Variants in EPHA6 observed in about 807,000 individuals in gnomAD.
EPHA6 encodes the protein ephrin type-A receptor 6.
EPHA6 carries 50 observed loss-of-function variants against 112.0 expected under a neutral mutation model. The ratio of observed to expected loss-of-function variants is 0.45; its 90% CI spans 0.36 to 0.56. The LOEUF is 0.56. Ranked by LOEUF, EPHA6 falls within the 20% of genes least tolerant of loss-of-function variation. EPHA6 has a pLI of 0.00. For missense variants in EPHA6, 1,280 were observed against 1,417.4 expected (o/e 0.90, Z 1.56); for synonymous variants, 529 against 490.7 (o/e 1.08, Z -1.03).
chr3:97,520,665 T>C (rs1339695172), intron 10 of EPHA6, among the ~76,000 whole-genome samples: 1 of 152,222 alleles, frequency 6.6e-6, no homozygotes, highest in Non-Finnish European at 1.5e-5. Flanking sequence ...TTTTGAGAGT[T>C]TGACTGTAAT....
intron 15 of EPHA6, among the ~76,000 whole-genome samples, chr3:97,733,842 T>C (rs2035142351): frequency 6.6e-6 from 1 of 152,044 alleles, no homozygotes; most frequent in South Asian, 2.1e-4. Flanking sequence ...GCAGATGCCA[T>C]GACAAAAGAT....
intron 3 of EPHA6, among the ~76,000 whole-genome samples, chr3:97,148,967 C>T (rs1427470461): frequency 2.6e-5 from 4 of 152,208 alleles, no homozygotes; most frequent in East Asian, 1.9e-4. Flanking sequence ...CTTGCTGAAA[C>T]TCCTGTAGGG....
At chr3:97,380,529 G>T (rs1438812949) in intron 5 of EPHA6, among the ~76,000 whole-genome samples, 1 of 152,134 alleles carries the variant, frequency 6.6e-6, no homozygotes, top group Non-Finnish European at 1.5e-5. Flanking sequence ...TGTGCCACAA[G>T]ACTTTCTTGT....
intron 6 of EPHA6, among the ~76,000 whole-genome samples, chr3:97,433,292 G>A (rs2089628236): frequency 6.6e-6 from 1 of 152,148 alleles, no homozygotes; most frequent in African/African-American, 2.4e-5. Flanking sequence ...AAGTGAATAT[G>A]TGTCTTGAGG....
chr3:97,052,382 T>G (rs1439118436), intron 3 of EPHA6, among the ~76,000 whole-genome samples: 2 of 152,170 alleles, frequency 1.3e-5, no homozygotes, highest in East Asian at 3.9e-4. Flanking sequence ...TGAGGAGTGA[T>G]GCTTCTGTTG....
intron 11 of EPHA6, among the ~76,000 whole-genome samples, chr3:97,561,364 C>T (rs1364996235): frequency 1.3e-5 from 2 of 151,984 alleles, no homozygotes; most frequent in Non-Finnish European, 2.9e-5. Flanking sequence ...AATAAAAGTG[C>T]TACTCCATTG....
chr3:97,662,623 CTT>C (rs961599717), intron 14 of EPHA6, among the ~76,000 whole-genome samples: 2 of 152,196 alleles, frequency 1.3e-5, no homozygotes, highest in African/African-American at 4.8e-5. Flanking sequence ...TTGTGGGAGA[CTT>C]GAACTATTTC....
chr3:96,948,000 A>G (rs1272666989), intron 2 of EPHA6, among the ~76,000 whole-genome samples: 3 of 152,126 alleles, frequency 2.0e-5, no homozygotes, highest in Non-Finnish European at 4.4e-5. Flanking sequence ...TTGAAACTAC[A>G]CTACAGGGCT....
intron 5 of EPHA6, among the ~76,000 whole-genome samples, chr3:97,296,362 G>A (rs1247696681): frequency 2.0e-5 from 3 of 152,186 alleles, no homozygotes; most frequent in African/African-American, 4.8e-5. Flanking sequence ...TGGGGGCAGT[G>A]CAAGGGAAGG....
At chr3:97,640,912 T>C (rs2093997747) in intron 14 of EPHA6, among the ~76,000 whole-genome samples, 1 of 152,188 alleles carries the variant, frequency 6.6e-6, no homozygotes, top group Non-Finnish European at 1.5e-5. Context: ...TGACTTTAAT[T>C]AGGGCAATGA....
intron 5 of EPHA6, among the ~76,000 whole-genome samples, chr3:97,326,658 G>T (rs1437896385): frequency 2.0e-5 from 3 of 151,994 alleles, no homozygotes; most frequent in Admixed American, 6.6e-5. Context: ...CAGCGTTTTA[G>T]GTTTCAGTCA....
At chr3:97,274,010 G>A (rs925839048) in intron 5 of EPHA6, among the ~76,000 whole-genome samples, 2 of 152,176 alleles carry the variant, frequency 1.3e-5, no homozygotes, top group African/African-American at 2.4e-5. Flanking sequence ...TCCCTGAGGG[G>A]TAGTAGAATA....
Position 96,914,027 on chromosome 3 carries a change from A to ATTCTT in EPHA6, c.450+47138_450+47139insTTCTT, listed in dbSNP as rs1225762677. ...GATCAACAATGTTAAATATGCGCCT[A>ATTCTT]ACGATATGAATTTCTCTTATTACAA... On this transcript the variant is annotated intron_variant, in intron 2 of 17. Coordinates refer to ENST00000389672, the MANE Select transcript of EPHA6 (RefSeq NM_001080448.3). Among the ~76,000 whole-genome samples the ATTCTT allele has an allele frequency of 3.9e-5, 6 of 152,134 alleles. No individual in the cohort carries two copies. The East Asian group carries it at 1.2e-3, about 29-fold the overall frequency.
chr3:97,110,014 G>C (rs995857177), intron 3 of EPHA6, among the ~76,000 whole-genome samples: 1 of 151,982 alleles, frequency 6.6e-6, no homozygotes, highest in Non-Finnish European at 1.5e-5. Context: ...ATGAAAAGAG[G>C]TATTAAATAA....
chr3:97,646,801 G>T (rs2094068176), intron 14 of EPHA6, among the ~76,000 whole-genome samples: 1 of 152,166 alleles, frequency 6.6e-6, no homozygotes, highest in African/African-American at 2.4e-5. Context: ...ACTTCTTATA[G>T]ATAATTAGCA....
chr3:97,393,456 A>C (rs986299861), intron 5 of EPHA6, among the ~76,000 whole-genome samples: 1 of 151,862 alleles, frequency 6.6e-6, no homozygotes, highest in Non-Finnish European at 1.5e-5. Context: ...AGAGAAATTA[A>C]AAAGACACAG....
At chr3:97,127,373 A>C (rs1281053657) in intron 3 of EPHA6, among the ~76,000 whole-genome samples, 1 of 152,088 alleles carries the variant, frequency 6.6e-6, no homozygotes, top group Non-Finnish European at 1.5e-5. Flanking sequence ...ATGATTAGGA[A>C]ATTCGTCCTA....
chr3:97,432,789 G>A (rs796121820), intron 6 of EPHA6, among the ~76,000 whole-genome samples: 2 of 152,072 alleles, frequency 1.3e-5, no homozygotes, highest in South Asian at 4.1e-4. Context: ...ATGGGTAAGA[G>A]CCCCTTATAA....
intron 2 of EPHA6, among the ~76,000 whole-genome samples, chr3:96,902,505 C>T (rs1283322563): frequency 2.0e-5 from 3 of 152,130 alleles, no homozygotes; most frequent in Admixed American, 2.0e-4. Flanking sequence ...ACTGACTTTC[C>T]ATATTTCAGC....
Sources: gnomAD v4.1 joint callset for allele counts (sites outside exome capture counted in the v4.1 genomes callset) on GRCh38, gnomAD v4.1.1 for gene constraint, MANE v1.5 for transcripts, NCBI Gene and HGNC (gene_info 2026-07-23, HGNC 2026-07-21) for gene names.